Variants in RBMS2 observed in about 807,000 individuals in gnomAD.
RBMS2 encodes RNA binding motif single stranded interacting protein 2.
RBMS2 carries 38 observed loss-of-function variants against 58.4 expected under a neutral mutation model. That is an observed-to-expected ratio of 0.65 (90% CI 0.50 to 0.85). RBMS2 has a LOEUF of 0.85. Among genes scored for constraint, RBMS2 ranks in the 40% least tolerant of loss-of-function variants. The pLI, the probability that RBMS2 is intolerant of heterozygous loss-of-function variation, is 0.00. For missense variants in RBMS2, 367 were observed against 503.7 expected, an observed-to-expected ratio of 0.73 and a Z score of 2.60; for synonymous variants, 151 against 180.7, an observed-to-expected ratio of 0.84 and a Z score of 1.32.
intron 1 of RBMS2, among the ~76,000 whole-genome samples, chr12:56,543,784 C>G (rs965136524): frequency 2.0e-5 from 3 of 151,776 alleles, no homozygotes; most frequent in Non-Finnish European, 4.4e-5. Context: ...TCTCCTGCCT[C>G]AGACTCTCAA....
At chr12:56,565,288 A>C (rs1431648643) in intron 2 of RBMS2, among the ~76,000 whole-genome samples, 1 of 152,198 alleles carries the variant, frequency 6.6e-6, no homozygotes, top group African/African-American at 2.4e-5. Flanking sequence ...TTACATAGGT[A>C]AACTCGGGAC....
chr12:56,557,741 C>CTTTTCT (rs1381713488), intron 1 of RBMS2, among the ~76,000 whole-genome samples: 7 of 141,368 alleles, frequency 5.0e-5, no homozygotes, highest in African/African-American at 1.8e-4. Flanking sequence ...CTTTTCTTTT[C>CTTTTCT]TTTTTTTTTT....
chr12:56,552,491 C>T (rs1379955957), intron 1 of RBMS2, among the ~76,000 whole-genome samples: 1 of 152,170 alleles, frequency 6.6e-6, no homozygotes, highest in African/African-American at 2.4e-5. Flanking sequence ...TCACTCCCTT[C>T]TCAGAGTGAG....
At chr12:56,521,730 C>CAA (rs3837442), upstream of RBMS2, among the ~76,000 whole-genome samples, 2 of 149,902 alleles carry the variant, frequency 1.3e-5, no homozygotes, top group African/African-American at 4.9e-5. Flanking sequence ...GAAAAACAAA[C>CAA]AAAAAAAAAC....
At chr12:56,532,921 T>TTTTTA (rs148516758) in intron 1 of RBMS2, among the ~76,000 whole-genome samples, 52 of 150,336 alleles carry the variant, frequency 3.5e-4, no homozygotes, top group African/African-American at 8.3e-4. Flanking sequence ...ACTCTCTTGC[T>TTTTTA]TTTTATTTTA....
chr12:56,589,428 C>T lies in RBMS2; in HGVS notation c.*295C>T. On this transcript the variant is annotated 3_prime_UTR_variant, in exon 14 of 14. Transcript: ENST00000262031. ...AAAGAAAGCTTTTTGTTTTTAACTG[C>T]AACGTACTTTTCCCCTACCTTGAAG... is the stretch of plus-strand genomic sequence containing the variant. 1 of 631,776 alleles carries T rather than the reference C, an allele frequency of 1.6e-6. No individual in the cohort carries two copies. Among genetic ancestry groups the T allele is most frequent in the Non-Finnish European group, 2.2e-6 (1 of 458,068 alleles). 39.1% of individuals were successfully genotyped at this position (631,776 alleles called of 1,614,324 possible). A position where few individuals can be genotyped will look rare whatever the true frequency, so the allele number is the denominator to read the frequency against.
intron 2 of RBMS2, among the ~76,000 whole-genome samples, chr12:56,568,620 T>C (rs112178572): frequency 6.7e-6 from 1 of 149,770 alleles, no homozygotes; most frequent in African/African-American, 2.5e-5. Flanking sequence ...CACTGCAACC[T>C]CCACCTCACA....
At chr12:56,566,982 T>A (rs12232026) in intron 2 of RBMS2, among the ~76,000 whole-genome samples, 21,304 of 152,192 alleles carry the variant, frequency 0.14, 1,555 homozygotes, top group South Asian at 0.17. Context: ...GGAATAAGAT[T>A]GCTACATTAG....
At chr12:56,569,779 T>TC (rs1881976680) in intron 3 of RBMS2, 120 bp from the exon 4 acceptor site, 2 of 853,106 alleles carry the variant, frequency 2.3e-6, no homozygotes. Flanking sequence ...TCTCAATAGC[T>TC]CTTTCTCCCT....
rs1273789971 is a variant in RBMS2 at position 56,577,302 on chromosome 12, T to G, written c.543-3882T>G. 4.6e-5 allele frequency among the ~76,000 whole-genome samples: 7 copies of G among 150,748 alleles called. No individual in the cohort carries two copies. The East Asian group carries it at 1.2e-3, about 25-fold the overall frequency. On this transcript the variant is annotated intron_variant, in intron 5 of 13. Transcript: ENST00000262031. ...TCCCAGCTACTGTAATCCCAGCTACTCAGGAGTCTGAGGCAGGAGAATCAT... is the reference window on the plus strand; with the variant it reads ...TCCCAGCTACTGTAATCCCAGCTACGCAGGAGTCTGAGGCAGGAGAATCAT...
Position 56,590,156 on chromosome 12 carries a change from G to C in RBMS2, c.*1023G>C, listed in dbSNP as rs1885200767. 4 of 152,262 alleles carry C rather than the reference G, an allele frequency of 2.6e-5. No individual in the cohort carries two copies. Among genetic ancestry groups the C allele is most frequent in the African/African-American group, 9.7e-5 (4 of 41,450 alleles). 9.4% of individuals were successfully genotyped at this position (152,262 alleles called of 1,614,324 possible). The stretch of plus-strand genomic sequence containing the variant: ...AACAGCATCTGAGGTATAGCTTTTT[G>C]GGAGTACCTGCTTTCTTGCCTCCTG... On this transcript the variant is annotated 3_prime_UTR_variant, in exon 14 of 14. Coordinates refer to ENST00000262031, the MANE Select transcript of RBMS2 (RefSeq NM_002898.4).
intron 1 of RBMS2, among the ~76,000 whole-genome samples, chr12:56,525,902 A>G (rs1394157168): frequency 6.6e-6 from 1 of 151,398 alleles, no homozygotes. Context: ...ACCTCAAGTG[A>G]CCTGCCCACC....
Position 56,593,919 on chromosome 12 carries a change from T to C in RBMS2, c.*4786T>C, listed in dbSNP as rs545215065. 2.0e-5 allele frequency: 3 copies of C among 152,250 alleles called. No individual in the cohort carries two copies. The highest frequency in any genetic ancestry group is 4.8e-5 in the African/African-American group (2 of 41,456). The allele number at this position is 152,250 out of a possible 1,614,324, so 9.4% of individuals were successfully genotyped here. On this transcript the variant is annotated 3_prime_UTR_variant, in exon 14 of 14. Transcript: ENST00000262031. Reference sequence around the variant, plus strand: ...GAAGCCTGGTGGCTCTAAAGGGTAATAGACCTTGTCAGTAACAGATAAGGA... The same window carrying C: ...GAAGCCTGGTGGCTCTAAAGGGTAACAGACCTTGTCAGTAACAGATAAGGA...
At chr12:56,574,767 A>G (rs1230311397) in intron 5 of RBMS2, among the ~76,000 whole-genome samples, 1 of 152,218 alleles carries the variant, frequency 6.6e-6, no homozygotes, top group Non-Finnish European at 1.5e-5. Context: ...ATTGGCATTT[A>G]AAATAAAACT....
At chr12:56,586,052 G>C (rs1884621951) in intron 9 of RBMS2, among the ~76,000 whole-genome samples, 1 of 151,788 alleles carries the variant, frequency 6.6e-6, no homozygotes, top group Admixed American at 6.6e-5. Context: ...GTGTGGGCCG[G>C]GCACGGTGGC....
chr12:56,580,712 C>A (rs1388922058), intron 5 of RBMS2, among the ~76,000 whole-genome samples: 1 of 152,102 alleles, frequency 6.6e-6, no homozygotes, highest in Non-Finnish European at 1.5e-5. Context: ...CTTTTTCCTT[C>A]CACAGATTCA....
At chr12:56,551,281 G>A (rs984070121) in intron 1 of RBMS2, among the ~76,000 whole-genome samples, 1 of 152,074 alleles carries the variant, frequency 6.6e-6, no homozygotes, top group Non-Finnish European at 1.5e-5. Context: ...GTGGAATGGC[G>A]GAAGTCATTT....
At chr12:56,534,876 C>T (rs1189057773) in intron 1 of RBMS2, among the ~76,000 whole-genome samples, 4 of 152,100 alleles carry the variant, frequency 2.6e-5, no homozygotes, top group African/African-American at 7.2e-5. Flanking sequence ...CTCCTGACCT[C>T]GTGATCCGCC....
chr12:56,570,021 A>G, intron 4 of RBMS2, 31 bp downstream of exon 4: 1 of 1,572,320 alleles, frequency 6.4e-7, no homozygotes, highest in East Asian at 2.2e-5. Context: ...CTGTTCCTCC[A>G]AGGGGTTTGT....
Sources: allele counts gnomAD v4.1 joint callset (sites outside exome capture counted in the v4.1 genomes callset), GRCh38; gene constraint gnomAD v4.1.1; transcripts MANE v1.5; gene names NCBI Gene and HGNC (gene_info 2026-07-23, HGNC 2026-07-21).